Variants in PPP2R5C observed in about 807,000 individuals in gnomAD.
PPP2R5C encodes protein phosphatase 2 regulatory subunit B'gamma, also known as serine/threonine-protein phosphatase 2A 56 kDa regulatory subunit gamma isoform.
PPP2R5C carries 7 observed loss-of-function variants against 68.9 expected under a neutral mutation model. The ratio of observed to expected loss-of-function variants is 0.10; its 90% confidence interval spans 0.06 to 0.19. The LOEUF (loss-of-function observed/expected upper bound fraction) is 0.19. Ranked by LOEUF, PPP2R5C falls within the 10% of genes least tolerant of loss-of-function variation. The pLI, the probability that PPP2R5C is intolerant of heterozygous loss-of-function variation, is 1.00. For synonymous variants in PPP2R5C, 210 were observed against 222.2 expected, an observed-to-expected ratio of 0.95 and a Z score of 0.49; for missense variants, 348 against 641.3, an observed-to-expected ratio of 0.54 and a Z score of 4.94.
intron 3 of PPP2R5C, among the ~76,000 whole-genome samples, chr14:101,793,694 TG>T (rs762757102): frequency 5.3e-5 from 8 of 152,200 alleles, no homozygotes; most frequent in Non-Finnish European, 1.0e-4. Flanking sequence ...GGAGGGTCAG[TG>T]GGACAACCTT....
chr14:101,857,291 A>T (rs1467738548), intron 2 of PPP2R5C, among the ~76,000 whole-genome samples: 2 of 152,238 alleles, frequency 1.3e-5, no homozygotes, highest in African/African-American at 4.8e-5. Flanking sequence ...AATTCTAATG[A>T]TGGGATGGAG....
At chr14:101,823,998 T>C in intron 1 of PPP2R5C, 4 of 1,289,200 alleles carry the variant, frequency 3.1e-6, no homozygotes, top group Non-Finnish European at 4.0e-6. Context: ...ATCTGAGCCT[T>C]ACATTGTCTC....
intron 13 of PPP2R5C, 78 bp downstream of exon 15, chr14:101,918,025 T>A: frequency 3.8e-6 from 6 of 1,591,534 alleles, no homozygotes; most frequent in Non-Finnish European, 5.1e-6. Flanking sequence ...GCGATGTGAT[T>A]TGCATCAGTG....
intron 3 of PPP2R5C, among the ~76,000 whole-genome samples, chr14:101,788,548 C>T (rs1595167686): frequency 1.3e-5 from 2 of 152,286 alleles, no homozygotes; most frequent in Middle Eastern, 3.4e-3. Flanking sequence ...CCGTTTCCTT[C>T]GTTTTTCATT....
chr14:101,860,877 T>A (rs1487382134), intron 2 of PPP2R5C, among the ~76,000 whole-genome samples: 2 of 152,214 alleles, frequency 1.3e-5, no homozygotes, highest in African/African-American at 4.8e-5. Flanking sequence ...CCCTTTTCTT[T>A]TCCAGATAAA....
intron 1 of PPP2R5C, chr14:101,818,985 A>C (rs1477895373): frequency 7.8e-6 from 12 of 1,537,730 alleles, no homozygotes; most frequent in Non-Finnish European, 1.1e-5. Flanking sequence ...GTTATGTTTC[A>C]CTCTAGGGAA....
Position 101,875,875 on chromosome 14 carries a change from G to A in PPP2R5C, c.295-6286G>A, listed in dbSNP as rs146960247. ...CCTCCGTTTTTTCGGGCATTCTTCA[G>A]TGCCTTTTATTAGAGTTTTCTGCTT... On this transcript the variant is annotated intron_variant, in intron 2 of 13. Transcript: ENST00000334743. 4.3e-4 allele frequency among the ~76,000 whole-genome samples: 65 copies of A among 152,248 alleles called. No homozygotes were observed. The East Asian group carries it at 0.01, about 24-fold the overall frequency.
At chr14:101,874,695 A>C (rs2043640755) in intron 2 of PPP2R5C, among the ~76,000 whole-genome samples, 1 of 152,174 alleles carries the variant, frequency 6.6e-6, no homozygotes, top group South Asian at 2.1e-4. Context: ...AAAAGTTTAG[A>C]CTAAATTTCC....
chr14:101,883,365 G>C lies in PPP2R5C; in HGVS notation c.498+16G>C, dbSNP rs1680663848. The stretch of plus-strand genomic sequence containing the variant: ...TGTATTGCAGGTAAGGTACAAATTA[G>C]CTGACACTCTGAAAGCCCTGATGGA... On this transcript the variant is annotated intron_variant, in intron 4 of 13. Transcript: ENST00000334743. 2 of 1,606,850 alleles carry C rather than the reference G, an allele frequency of 1.2e-6. No individual in the cohort carries two copies. Among genetic ancestry groups the C allele is most frequent in the South Asian group, 1.1e-5 (1 of 89,680 alleles).
At position 101,835,248 on chromosome 14, in the gene PPP2R5C, C is replaced by T. The variant is rs2041012794; in HGVS notation, c.95-21438C>T. Among the ~76,000 whole-genome samples the T allele has an allele frequency of 6.6e-6, 1 of 152,088 alleles. No homozygotes were observed. Among genetic ancestry groups the T allele is most frequent in the Non-Finnish European group, 1.5e-5 (1 of 68,012 alleles). On this transcript the variant is annotated intron_variant, in intron 1 of 13. Coordinates refer to ENST00000334743, the Ensembl canonical transcript of PPP2R5C. This position sits in a 1 kb window ranked among gnomAD's most constrained non-coding sequence, Gnocchi z 5.0. ...TGGTGCTGTCCTGTGGCTGGGGGAG[C>T]AGGATGAATTGGGATAAGGGAAGCC...
intron 1 of PPP2R5C, among the ~76,000 whole-genome samples, chr14:101,852,296 G>A (rs1206828634): frequency 6.6e-6 from 1 of 152,066 alleles, no homozygotes; most frequent in African/African-American, 2.4e-5. Context: ...CTCCCTGACT[G>A]TTGGGACCAG....
In PPP2R5C at chr14:101,797,023, C is replaced by T; in HGVS notation, c.259+10840C>T. 3 of 400,608 alleles carry T rather than the reference C, an allele frequency of 7.5e-6. No homozygotes were observed. The highest frequency in any genetic ancestry group is 1.5e-5 in the Non-Finnish European group (3 of 197,764). The allele number at this position is 400,608 out of a possible 1,614,324, so 24.8% of individuals were successfully genotyped here. A position where few individuals can be genotyped will look rare whatever the true frequency, so the allele number is the denominator to read the frequency against. The stretch of plus-strand genomic sequence containing the variant: ...TACATTCAAAATGCTGTACACCCAT[C>T]ACTACTATCTCTACCCAAAACTTTT... On this transcript the variant is annotated intron_variant, in intron 3 of 14. Coordinates refer to the PPP2R5C transcript ENST00000328724. This position sits in a 1 kb window ranked among gnomAD's most constrained non-coding sequence, Gnocchi z 4.2.
chr14:101,912,349 G>T (rs1377289081), intron 11 of PPP2R5C, 52 bp from the exon 14 acceptor site: 1 of 1,490,176 alleles, frequency 6.7e-7, no homozygotes, highest in Non-Finnish European at 9.0e-7. Flanking sequence ...CCTTCAGTGT[G>T]TTCTTGTGTC....
chr14:101,847,977 C>T (rs1008871520), intron 1 of PPP2R5C, among the ~76,000 whole-genome samples: 2 of 152,092 alleles, frequency 1.3e-5, no homozygotes, highest in African/African-American at 2.4e-5. Flanking sequence ...TGAGCCACTG[C>T]GCCCGGCCTT....
chr14:101,838,373 G>T (rs540870086), intron 1 of PPP2R5C, among the ~76,000 whole-genome samples: 68 of 152,292 alleles, frequency 4.5e-4, no homozygotes, highest in African/African-American at 1.6e-3. Context: ...TTCCATTCCT[G>T]ATTTGTAGTT....
intron 1 of PPP2R5C, among the ~76,000 whole-genome samples, chr14:101,826,942 A>G (rs1260826733): frequency 7.5e-6 from 1 of 133,350 alleles, no homozygotes; most frequent in African/African-American, 2.8e-5. Flanking sequence ...TTTCATGATT[A>G]TTATACTTAA....
At chr14:101,763,443 C>T (rs1326968152) in intron 2 of PPP2R5C, among the ~76,000 whole-genome samples, 4 of 151,556 alleles carry the variant, frequency 2.6e-5, no homozygotes, top group African/African-American at 4.9e-5. Context: ...AGTGCAGTGG[C>T]GCGATCTTGG....
At chr14:101,801,377 A>C (rs1004850927) in intron 3 of PPP2R5C, among the ~76,000 whole-genome samples, 2 of 152,290 alleles carry the variant, frequency 1.3e-5, no homozygotes, top group East Asian at 3.9e-4. Context: ...ACTCATACCC[A>C]TACCACCCAA....
chr14:101,838,429 A>G (rs937504669), intron 1 of PPP2R5C, among the ~76,000 whole-genome samples: 1 of 152,266 alleles, frequency 6.6e-6, no homozygotes, highest in African/African-American at 2.4e-5. Flanking sequence ...AAAAGCATGG[A>G]AAAGTTGCAA....
Sources: gnomAD v4.1 joint callset for allele counts (sites outside exome capture counted in the v4.1 genomes callset) on GRCh38, gnomAD v4.1.1 for gene constraint, Gnocchi (gnomAD v3.1) non-coding constraint, MANE v1.5 for transcripts, NCBI Gene and HGNC (gene_info 2026-07-23, HGNC 2026-07-21) for gene names.